Variants in BACH2 observed in about 807,000 individuals in gnomAD.
BACH2 encodes transcription regulator protein BACH2.
In BACH2, 5 loss-of-function variants were observed where a neutral mutation model predicts 61.8. That is an observed-to-expected ratio of 0.08 (90% CI 0.04 to 0.17). BACH2 has a LOEUF of 0.17. Among genes scored for constraint, BACH2 ranks in the 10% least tolerant of loss-of-function variants. The pLI, the probability that BACH2 is intolerant of heterozygous loss-of-function variation, is 1.00. For missense variants in BACH2, 824 were observed against 1,091.1 expected (o/e 0.76, Z 3.45); for synonymous variants, 446 against 440.1 (o/e 1.01, Z -0.17).
chr6:89,966,154 T>C lies in BACH2; in HGVS notation c.244-14292A>G, dbSNP rs374265809. On this transcript the variant is annotated intron_variant, in intron 6 of 8. Coordinates refer to ENST00000257749, the MANE Select transcript of BACH2 (RefSeq NM_021813.4). ...AGCATGGTTGATACAGCAGCAATGA[T>C]AGTATTTCTACAGTCTTTAGTCTCT... Among the ~76,000 whole-genome samples the C allele has an allele frequency of 7.9e-5, 12 of 152,318 alleles. No homozygotes were observed. The East Asian group carries it at 1.4e-3, about 17-fold the overall frequency.
At chr6:89,998,891 A>G (rs1036148812) in intron 6 of BACH2, among the ~76,000 whole-genome samples, 2 of 152,200 alleles carry the variant, frequency 1.3e-5, no homozygotes, top group African/African-American at 2.4e-5. Context: ...GAACACCCCA[A>G]CAATGGAGTT....
intron 5 of BACH2, among the ~76,000 whole-genome samples, chr6:90,087,676 C>T (rs1781993333): frequency 6.6e-6 from 1 of 151,976 alleles, no homozygotes; most frequent in Admixed American, 6.6e-5. Flanking sequence ...AAAACCTGGA[C>T]TTGCTGGCTT....
chr6:90,057,300 A>G (rs948572207), intron 5 of BACH2, among the ~76,000 whole-genome samples: 27 of 152,262 alleles, frequency 1.8e-4, no homozygotes, highest in Admixed American at 6.5e-5. Flanking sequence ...TATCACCACC[A>G]ATCCCACAGA....
intron 4 of BACH2, among the ~76,000 whole-genome samples, chr6:90,092,005 A>G (rs576123910): frequency 3.3e-5 from 5 of 152,154 alleles, no homozygotes; most frequent in African/African-American, 1.2e-4. Context: ...AGCTACAGGG[A>G]GTGAAAAATA....
At chr6:89,933,969 G>A (rs1389007544) in intron 8 of BACH2, among the ~76,000 whole-genome samples, 1 of 151,486 alleles carries the variant, frequency 6.6e-6, no homozygotes, top group African/African-American at 2.4e-5. Flanking sequence ...GGGTGATACA[G>A]TGAGACCCTG....
chr6:90,156,976 A>G (rs1381843072), intron 4 of BACH2, among the ~76,000 whole-genome samples: 2 of 152,196 alleles, frequency 1.3e-5, no homozygotes, highest in African/African-American at 2.4e-5. Context: ...ATTAACTACC[A>G]AAGGGGATGA....
At chr6:90,176,607 G>A (rs1028204545) in intron 4 of BACH2, among the ~76,000 whole-genome samples, 1 of 152,124 alleles carries the variant, frequency 6.6e-6, no homozygotes, top group African/African-American at 2.4e-5. Context: ...GCAGAAAAGA[G>A]GGGCCCATCC....
chr6:90,018,700 C>G (rs539540419), intron 5 of BACH2, among the ~76,000 whole-genome samples: 5 of 152,132 alleles, frequency 3.3e-5, no homozygotes, highest in African/African-American at 1.2e-4. Flanking sequence ...TTTGTAATAC[C>G]CAATTACAAA....
At chr6:89,980,306 A>T (rs1440349249) in intron 6 of BACH2, among the ~76,000 whole-genome samples, 1 of 152,140 alleles carries the variant, frequency 6.6e-6, no homozygotes, top group East Asian at 1.9e-4. Context: ...AAAAAAAAAA[A>T]AATCTGTTTT....
At chr6:90,110,363 G>A (rs905816214) in intron 4 of BACH2, among the ~76,000 whole-genome samples, 6 of 152,084 alleles carry the variant, frequency 3.9e-5, no homozygotes, top group East Asian at 1.9e-4. Flanking sequence ...TCTATCTTGC[G>A]CTTTGAATGG....
chr6:90,211,735 G>A (rs1270380765), intron 3 of BACH2, among the ~76,000 whole-genome samples: 5 of 152,100 alleles, frequency 3.3e-5, no homozygotes, highest in African/African-American at 9.6e-5. Flanking sequence ...CTTCTATGAT[G>A]TCCATTCTAG....
chr6:90,098,611 A>G (rs1380497722), intron 4 of BACH2, among the ~76,000 whole-genome samples: 2 of 152,192 alleles, frequency 1.3e-5, no homozygotes, highest in Admixed American at 6.5e-5. Context: ...ACATTTCCAC[A>G]TGATAGCAAG....
At chr6:90,141,432 C>T (rs1255742769) in intron 4 of BACH2, among the ~76,000 whole-genome samples, 17 of 151,678 alleles carry the variant, frequency 1.1e-4, no homozygotes, top group Non-Finnish European at 5.9e-5. Context: ...CCGCCTGCCT[C>T]GGCATCCCAA....
chr6:90,291,225 T>C (rs12204886), intron 1 of BACH2, among the ~76,000 whole-genome samples: 20,795 of 152,120 alleles, frequency 0.14, 1,604 homozygotes, highest in African/African-American at 0.2. Context: ...TTCCAATGAC[T>C]AGAATGAAGG....
intron 6 of BACH2, among the ~76,000 whole-genome samples, chr6:89,982,006 T>C (rs1775984403): frequency 6.6e-6 from 1 of 152,102 alleles, no homozygotes; most frequent in Non-Finnish European, 1.5e-5. Flanking sequence ...GGTCTTATTC[T>C]GTCGCCCAGG....
At chr6:89,971,135 C>T (rs1052522031) in intron 6 of BACH2, among the ~76,000 whole-genome samples, 3 of 152,210 alleles carry the variant, frequency 2.0e-5, no homozygotes, top group African/African-American at 4.8e-5. Context: ...TAGCTGCCTT[C>T]CCCTAGGTGT....
At chr6:90,121,595 T>C (rs1783628109) in intron 4 of BACH2, among the ~76,000 whole-genome samples, 1 of 152,180 alleles carries the variant, frequency 6.6e-6, no homozygotes. Flanking sequence ...CAGGCTGGAG[T>C]GCAGTGGCAC....
chr6:90,004,761 G>A (rs1380416070), intron 6 of BACH2, among the ~76,000 whole-genome samples: 1 of 152,170 alleles, frequency 6.6e-6, no homozygotes, highest in Non-Finnish European at 1.5e-5. Flanking sequence ...GTGGAAGAAC[G>A]GCCCTGCAAT....
chr6:90,266,765 G>C (rs150552714), intron 2 of BACH2, among the ~76,000 whole-genome samples: 2 of 152,252 alleles, frequency 1.3e-5, no homozygotes, highest in African/African-American at 4.8e-5. Flanking sequence ...AGGGGAATGA[G>C]GAGTGACTGC....
Sources: gnomAD v4.1 joint callset for allele counts (sites outside exome capture counted in the v4.1 genomes callset) on GRCh38, gnomAD v4.1.1 for gene constraint, MANE v1.5 for transcripts, NCBI Gene and HGNC (gene_info 2026-07-23, HGNC 2026-07-21) for gene names.